Variants in PSMD11 observed in about 807,000 individuals in gnomAD.
PSMD11 encodes the protein 26S proteasome non-ATPase regulatory subunit 11.
PSMD11 carries 5 observed loss-of-function variants against 62.3 expected under a neutral mutation model. The observed-to-expected ratio is 0.08, with a 90% CI of 0.04 to 0.17. The LOEUF (loss-of-function observed/expected upper bound fraction) is 0.17, where lower values mean the gene tolerates loss of function less well. Ranked by LOEUF, PSMD11 falls within the 10% of genes least tolerant of loss-of-function variation. PSMD11 has a pLI of 1.00. For synonymous variants in PSMD11, 191 were observed against 191.8 expected (o/e 1.00, Z 0.03); for missense variants, 310 against 512.9 (o/e 0.60, Z 3.82).
At chr17:32,459,115 C>CATATATATATATATATATATAT (rs10595066) in intron 3 of PSMD11, among the ~76,000 whole-genome samples, 23 of 111,878 alleles carry the variant, frequency 2.1e-4, no homozygotes, top group African/African-American at 7.0e-4. Flanking sequence ...AAAAAAAATA[C>CATATATATATATATATATATAT]ATATATATAT....
chr17:32,461,037 G>T (rs1360997639), intron 3 of PSMD11, among the ~76,000 whole-genome samples: 3 of 152,018 alleles, frequency 2.0e-5, no homozygotes, highest in Non-Finnish European at 4.4e-5. Flanking sequence ...GTAGCCTATG[G>T]GCAACTTTTC....
intron 6 of PSMD11, among the ~76,000 whole-genome samples, chr17:32,470,217 C>T (rs1428267032): frequency 1.3e-5 from 2 of 151,842 alleles, no homozygotes; most frequent in Non-Finnish European, 2.9e-5. Context: ...GTTGCCCAGA[C>T]TGGTCTTGAA....
chr17:32,448,894 T>A (rs905957996), intron 2 of PSMD11, among the ~76,000 whole-genome samples: 1 of 152,210 alleles, frequency 6.6e-6, no homozygotes, highest in Non-Finnish European at 1.5e-5. Context: ...GGTTATTGCT[T>A]TCCTATAACT....
At chr17:32,459,386 TTTTG>T (rs532214174) in intron 3 of PSMD11, among the ~76,000 whole-genome samples, 13 of 151,594 alleles carry the variant, frequency 8.6e-5, no homozygotes, top group Admixed American at 4.6e-4. Context: ...GCCTGGCTAA[TTTTG>T]TTTGTTTGTT....
intron 2 of PSMD11, among the ~76,000 whole-genome samples, chr17:32,453,414 A>C (rs764020611): frequency 2.0e-5 from 3 of 152,210 alleles, no homozygotes; most frequent in Non-Finnish European, 4.4e-5. Flanking sequence ...GAGGTGGCAG[A>C]ATGGCGAAAA....
chr17:32,460,637 G>A (rs1431187943), intron 3 of PSMD11, among the ~76,000 whole-genome samples: 8 of 151,914 alleles, frequency 5.3e-5, no homozygotes, highest in Non-Finnish European at 7.4e-5. Context: ...GCCAGGTGTG[G>A]TGGCGGGCGC....
intron 5 of PSMD11, among the ~76,000 whole-genome samples, chr17:32,467,654 CTGGA>C (rs1908036856): frequency 6.6e-6 from 1 of 152,132 alleles, no homozygotes; most frequent in South Asian, 2.1e-4. Context: ...GTCACCCAAC[CTGGA>C]TGGAGTACAG....
chr17:32,452,809 G>A (rs969613370), intron 2 of PSMD11, among the ~76,000 whole-genome samples: 1 of 152,090 alleles, frequency 6.6e-6, no homozygotes, highest in African/African-American at 2.4e-5. Context: ...TGGAGCAATC[G>A]TTTTCATTTC....
chr17:32,444,664 A>G (rs775400503), intron 1 of PSMD11, 50 bp downstream of exon 1: 1 of 1,601,894 alleles, frequency 6.2e-7, no homozygotes, highest in South Asian at 1.1e-5. Context: ...AGCTCGGCTT[A>G]TGTCGGTCGG....
At chr17:32,459,111 A>AATAT (rs1907737207) in intron 3 of PSMD11, among the ~76,000 whole-genome samples, 3 of 43,768 alleles carry the variant, frequency 6.9e-5, no homozygotes, top group Non-Finnish European at 1.6e-4. Context: ...AAAAAAAAAA[A>AATAT]ATACATATAT....
At chr17:32,474,082 G>A (rs1462493308) in intron 7 of PSMD11, 137 bp downstream of exon 7, 3 of 1,046,586 alleles carry the variant, frequency 2.9e-6, no homozygotes, top group Non-Finnish European at 4.2e-6. Context: ...GCTGGCTAAG[G>A]TAGAGCGGGA....
At chr17:32,454,444 T>C (rs774428385) in intron 2 of PSMD11, 51 bp from the exon 3 acceptor site, 3 of 1,599,302 alleles carry the variant, frequency 1.9e-6, no homozygotes, top group African/African-American at 1.3e-5. Flanking sequence ...AGTGGGTATT[T>C]TGTCTCAAAT....
chr17:32,476,324 A>G (rs1230492832), intron 8 of PSMD11, among the ~76,000 whole-genome samples: 5 of 152,210 alleles, frequency 3.3e-5, no homozygotes, highest in African/African-American at 1.2e-4. Context: ...TTGAGGAGAC[A>G]GGCTCAGGGA....
intron 3 of PSMD11, among the ~76,000 whole-genome samples, chr17:32,460,242 G>T (rs1417258058): frequency 6.6e-6 from 1 of 151,892 alleles, no homozygotes; most frequent in East Asian, 1.9e-4. Context: ...CAATTTTTTT[G>T]TAGAGATAGG....
chr17:32,447,715 T>A (rs558919232), intron 2 of PSMD11, among the ~76,000 whole-genome samples: 1 of 152,180 alleles, frequency 6.6e-6, no homozygotes, highest in Admixed American at 6.5e-5. Context: ...AAATGGGTGA[T>A]TTTTGTCAAG....
intron 6 of PSMD11, among the ~76,000 whole-genome samples, chr17:32,473,354 G>A (rs897579575): frequency 6.1e-5 from 9 of 148,514 alleles, no homozygotes; most frequent in East Asian, 2.2e-4. Context: ...TCGGCTCACC[G>A]CAACCTCCGC....
chr17:32,468,926 G>T, intron 5 of PSMD11, 73 bp from the exon 6 acceptor site: 6 of 1,305,398 alleles, frequency 4.6e-6, no homozygotes, highest in Non-Finnish European at 6.2e-6. Flanking sequence ...TGAGTGTTAT[G>T]AGGGTGGGAG....
At chr17:32,466,098 C>T (rs1017387201) in intron 5 of PSMD11, among the ~76,000 whole-genome samples, 2 of 152,194 alleles carry the variant, frequency 1.3e-5, no homozygotes, top group African/African-American at 4.8e-5. Context: ...TGTGTTCAAG[C>T]GATTCTCCTG....
At position 32,474,809 on chromosome 17, in the gene PSMD11, G is replaced by C; in HGVS notation, c.834G>C (p.Arg278=). The C allele has an allele frequency of 6.2e-7, 1 of 1,614,114 alleles. No individual in the cohort carries two copies. The highest frequency in any genetic ancestry group is 8.5e-7 in the Non-Finnish European group (1 of 1,179,986). The change falls in exon 8 of 14, where the codon CGG becomes CGC. Residue 278 remains arginine (R), a synonymous_variant. Transcript: ENST00000261712. Reference sequence around the variant, plus strand: ...TGGTGAGCGGGAAGCTTGCACTTCGGTATGCAGGGAGGCAGGTAGGGACTC... The same window carrying C: ...TGGTGAGCGGGAAGCTTGCACTTCGCTATGCAGGGAGGCAGGTAGGGACTC... ...QALVSGKLAL[R]YAGRQTEALK... is the part of the protein sequence containing the mutation.
Sources: allele counts gnomAD v4.1 joint callset (sites outside exome capture counted in the v4.1 genomes callset), GRCh38; gene constraint gnomAD v4.1.1; transcripts MANE v1.5; gene names NCBI Gene and HGNC (gene_info 2026-07-23, HGNC 2026-07-21).